KIAA0232: variants seen among roughly 807,000 people sequenced by gnomAD.
The protein encoded by KIAA0232 is KIAA0232.
Under a neutral mutation model 122.0 loss-of-function variants are expected in KIAA0232, and 27 were observed. The ratio of observed to expected loss-of-function variants is 0.22; its 90% CI spans 0.16 to 0.31. The LOEUF is 0.31. Ranked by LOEUF, KIAA0232 falls within the 10% of genes least tolerant of loss-of-function variation. The probability of loss-of-function intolerance (pLI) is 1.00; values close to 1 mark genes in which losing one functional copy is unlikely to be tolerated. For missense variants in KIAA0232, 1,551 were observed against 1,634.2 expected (o/e 0.95, Z 0.88); for synonymous variants, 613 against 587.6 (o/e 1.04, Z -0.63).
intron 4 of KIAA0232, among the ~76,000 whole-genome samples, chr4:6,856,859 A>C (rs1358048777): frequency 6.6e-6 from 1 of 152,178 alleles, no homozygotes. Flanking sequence ...TAGGCCCTTA[A>C]ATCTGCCCCA....
At position 6,824,411 on chromosome 4, in the gene KIAA0232, C is replaced by T. The variant is rs771122436; in HGVS notation, c.-43C>T. ...CCAGATACCAACAGAATATCAACTG[C>T]AGAAAATGCTTCACATTTTAAGGAT... On this transcript the variant is annotated 5_prime_UTR_variant, in exon 3 of 10. It introduces an in-frame stop codon into an upstream open reading frame of the 5' UTR. Transcript: ENST00000307659. The T allele has an allele frequency of 2.0e-6, 3 of 1,484,148 alleles. No individual in the cohort carries two copies. In the African/African-American group the frequency reaches 4.1e-5, roughly 21 times the overall value. 91.9% of individuals were successfully genotyped at this position (1,484,148 alleles called of 1,614,324 possible). A position where few individuals can be genotyped will look rare whatever the true frequency, so the allele number is the denominator to read the frequency against.
At chr4:6,873,486 G>A (rs73199928) in intron 8 of KIAA0232, among the ~76,000 whole-genome samples, 1,767 of 152,324 alleles carry the variant, frequency 0.012, 19 homozygotes, top group Non-Finnish European at 0.016. Flanking sequence ...GGAAGAGCTA[G>A]GAGGGAGAGG....
chr4:6,794,826 G>A (rs1471505216), intron 1 of KIAA0232, among the ~76,000 whole-genome samples: 1 of 152,222 alleles, frequency 6.6e-6, no homozygotes, highest in Admixed American at 6.5e-5. Context: ...GTCATGGCAA[G>A]GGTAATGGTG....
At chr4:6,852,437 T>A (rs1271222678) in intron 4 of KIAA0232, among the ~76,000 whole-genome samples, 1 of 152,216 alleles carries the variant, frequency 6.6e-6, no homozygotes, top group Non-Finnish European at 1.5e-5. Context: ...AAGTATGGAA[T>A]TGATCCTTTG....
chr4:6,800,368 G>T (rs974327132), intron 1 of KIAA0232, among the ~76,000 whole-genome samples: 3 of 150,276 alleles, frequency 2.0e-5, no homozygotes, highest in African/African-American at 7.3e-5. Flanking sequence ...TTTTCTTGAT[G>T]TGTTCTGATT....
chr4:6,829,051 A>T (rs558970070), intron 3 of KIAA0232, among the ~76,000 whole-genome samples: 1 of 151,936 alleles, frequency 6.6e-6, no homozygotes, highest in East Asian at 1.9e-4. Flanking sequence ...ATCTCCTTTC[A>T]TCTGTAATAA....
intron 9 of KIAA0232, among the ~76,000 whole-genome samples, chr4:6,879,948 G>GTC (rs1553847233): frequency 3.8e-5 from 1 of 26,010 alleles, no homozygotes; most frequent in Non-Finnish European, 7.8e-5. Flanking sequence ...CGTCTGCAGT[G>GTC]CCCCCTCACC....
chr4:6,800,092 C>G (rs1389069573), intron 1 of KIAA0232, among the ~76,000 whole-genome samples: 1 of 94,216 alleles, frequency 1.1e-5, no homozygotes, highest in African/African-American at 4.3e-5. Context: ...GAGTCTCACT[C>G]TGTCGCCCCG....
chr4:6,813,805 TGCCCAGG>T (rs1717991640), intron 2 of KIAA0232, among the ~76,000 whole-genome samples: 1 of 152,138 alleles, frequency 6.6e-6, no homozygotes, highest in Admixed American at 6.5e-5. Context: ...TAAACTCTCA[TGCCCAGG>T]GCTCTGACTC....
Position 6,842,179 on chromosome 4 carries a change from A to T in KIAA0232, c.344A>T (p.Gln115Leu), listed in dbSNP as rs1372507064. ...LEEMKKQAAV[Q>L]CLRSASDESS... Reference sequence around the variant, plus strand: ...GAAATGAAAAAACAGGCTGCTGTCCAGTGTCTTCGATCTGCTTCTGATGAA... The same window carrying T: ...GAAATGAAAAAACAGGCTGCTGTCCTGTGTCTTCGATCTGCTTCTGATGAA... Residue 115 changes from glutamine (Q) to leucine (L), a missense_variant, in exon 4 of 10, where the codon CAG (glutamine) becomes CTG (leucine). Physicochemically the swap from Gln to Leu is moderately radical, Grantham distance 113. Transcript: ENST00000307659. The T allele has an allele frequency of 1.2e-6, 2 of 1,605,192 alleles. No homozygotes were observed. Among genetic ancestry groups the T allele is most frequent in the Non-Finnish European group, 1.7e-6 (2 of 1,177,098 alleles).
At chr4:6,842,584 GA>G (rs1719720574) in intron 4 of KIAA0232, among the ~76,000 whole-genome samples, 1 of 146,944 alleles carries the variant, frequency 6.8e-6, no homozygotes, top group Non-Finnish European at 1.5e-5. Flanking sequence ...CCTTGCTCTT[GA>G]TTTTTTTTTT....
intron 5 of KIAA0232, 22 bp from the exon 6 acceptor site, chr4:6,858,403 C>CT (rs753868892): frequency 1.6e-5 from 24 of 1,454,900 alleles, no homozygotes; most frequent in Non-Finnish European, 2.1e-5. Flanking sequence ...ACAAATCTTT[C>CT]TTAATTTTTG....
chr4:6,812,497 A>C (rs1717923391), intron 2 of KIAA0232, among the ~76,000 whole-genome samples: 1 of 152,210 alleles, frequency 6.6e-6, no homozygotes, highest in South Asian at 2.1e-4. Flanking sequence ...TAGAAATAAT[A>C]AATTTAAAGT....
intron 7 of KIAA0232, among the ~76,000 whole-genome samples, chr4:6,869,250 A>C (rs1036049359): frequency 1.4e-4 from 22 of 152,198 alleles, no homozygotes; most frequent in African/African-American, 5.3e-4. Flanking sequence ...AAGGATGAAA[A>C]GATAAGCAGT....
At chr4:6,874,812 CAG>C (rs1721664749) in intron 8 of KIAA0232, among the ~76,000 whole-genome samples, 1 of 152,328 alleles carries the variant, frequency 6.6e-6, no homozygotes, top group African/African-American at 2.4e-5. Context: ...TAGCCCGAAA[CAG>C]GGTGGTGGTC....
In KIAA0232 at chr4:6,816,198, A is replaced by T. The variant is rs565118716; in HGVS notation, c.-269-7987A>T. ...CTGGGTTTGATGTATATATTATTGG[A>T]TTCAATTACCTGAAAATTTGTGTAA... On this transcript the variant is annotated intron_variant, in intron 2 of 9. Coordinates refer to ENST00000307659, the MANE Select transcript of KIAA0232 (RefSeq NM_014743.3). Among the ~76,000 whole-genome samples, 24 of 151,886 alleles carry T rather than the reference A, an allele frequency of 1.6e-4. No homozygotes were observed. The East Asian group carries it at 4.6e-3, about 29-fold the overall frequency.
At chr4:6,850,048 A>G (rs1369093588) in intron 4 of KIAA0232, among the ~76,000 whole-genome samples, 1 of 152,226 alleles carries the variant, frequency 6.6e-6, no homozygotes, top group African/African-American at 2.4e-5. Flanking sequence ...GGATTTTTTA[A>G]CAGGAAGTTT....
At chr4:6,849,582 C>T (rs563217975) in intron 4 of KIAA0232, among the ~76,000 whole-genome samples, 1 of 152,262 alleles carries the variant, frequency 6.6e-6, no homozygotes, top group Admixed American at 6.5e-5. Flanking sequence ...TGCCACTGCA[C>T]TGCAGCCTGG....
intron 4 of KIAA0232, among the ~76,000 whole-genome samples, chr4:6,853,440 G>A (rs759452176): frequency 1.3e-5 from 2 of 152,204 alleles, no homozygotes; most frequent in East Asian, 1.9e-4. Flanking sequence ...TTTTCCAGAT[G>A]TAGAAACTGA....
Sources: allele counts gnomAD v4.1 joint callset (sites outside exome capture counted in the v4.1 genomes callset), GRCh38; gene constraint gnomAD v4.1.1; transcripts MANE v1.5; gene names NCBI Gene and HGNC (gene_info 2026-07-23, HGNC 2026-07-21).